Variants in PAK5 observed in about 807,000 individuals in gnomAD.
PAK5 encodes p21 (RAC1) activated kinase 5.
Under a neutral mutation model 65.9 loss-of-function variants are expected in PAK5, and 16 were observed. That is an observed-to-expected ratio of 0.24 (90% CI 0.16 to 0.37). PAK5 has a LOEUF of 0.37. Among genes scored for constraint, PAK5 ranks in the 10% least tolerant of loss-of-function variants. The pLI, the probability that PAK5 is intolerant of heterozygous loss-of-function variation, is 1.00. For missense variants in PAK5, 785 were observed against 903.9 expected (o/e 0.87, Z 1.69); for synonymous variants, 371 against 354.9 (o/e 1.05, Z -0.51).
chr20:9,583,848 A>G (rs1414720142), intron 3 of PAK5, among the ~76,000 whole-genome samples: 1 of 152,210 alleles, frequency 6.6e-6, no homozygotes, highest in Non-Finnish European at 1.5e-5. Flanking sequence ...TGTCTATTCC[A>G]GAATATCATA....
chr20:9,596,602 C>T (rs2046271799), intron 3 of PAK5, among the ~76,000 whole-genome samples: 1 of 140,606 alleles, frequency 7.1e-6, no homozygotes. Context: ...CACTACTGCA[C>T]TCCAGCCTGG....
At chr20:9,826,409 G>T (rs1245679288) in intron 1 of PAK5, among the ~76,000 whole-genome samples, 2 of 152,158 alleles carry the variant, frequency 1.3e-5, no homozygotes, top group Admixed American at 6.5e-5. Context: ...TTACCTAGGG[G>T]TTAGTAGGCT....
At chr20:9,588,661 C>T (rs533761525) in intron 3 of PAK5, among the ~76,000 whole-genome samples, 2 of 152,218 alleles carry the variant, frequency 1.3e-5, no homozygotes, top group African/African-American at 4.8e-5. Flanking sequence ...AACAGAAGAA[C>T]CACTAATTAT....
chr20:9,623,031 T>C (rs1363683316), intron 3 of PAK5, among the ~76,000 whole-genome samples: 1 of 152,248 alleles, frequency 6.6e-6, no homozygotes, highest in Non-Finnish European at 1.5e-5. Flanking sequence ...CTAATAATAA[T>C]TTAGTGCTGT....
chr20:9,730,790 C>T (rs955949904), intron 1 of PAK5, among the ~76,000 whole-genome samples: 2 of 152,202 alleles, frequency 1.3e-5, no homozygotes, highest in African/African-American at 4.8e-5. Flanking sequence ...ATTTCAAATT[C>T]TTGTATGCTG....
At chr20:9,555,438 C>T (rs946883303) in intron 7 of PAK5, among the ~76,000 whole-genome samples, 2 of 152,152 alleles carry the variant, frequency 1.3e-5, no homozygotes, top group African/African-American at 4.8e-5. Context: ...TGGATATGAT[C>T]TTACAGCAAG....
At chr20:9,806,080 T>C (rs1481251692) in intron 1 of PAK5, among the ~76,000 whole-genome samples, 1 of 152,164 alleles carries the variant, frequency 6.6e-6, no homozygotes, top group Non-Finnish European at 1.5e-5. Flanking sequence ...TTCTTGTGCC[T>C]CAGCCTCCCA....
intron 7 of PAK5, among the ~76,000 whole-genome samples, chr20:9,548,386 T>C (rs577833741): frequency 6.6e-6 from 1 of 152,128 alleles, no homozygotes; most frequent in African/African-American, 2.4e-5. Flanking sequence ...TTTTAATTTA[T>C]TATTATTATA....
chr20:9,597,513 G>A (rs1444393240), intron 3 of PAK5, among the ~76,000 whole-genome samples: 3 of 152,166 alleles, frequency 2.0e-5, no homozygotes, highest in Non-Finnish European at 4.4e-5. Context: ...TCTTAACAAT[G>A]TCAGAACCAA....
chr20:9,543,061 G>A (rs773858220), intron 8 of PAK5, among the ~76,000 whole-genome samples: 3 of 152,188 alleles, frequency 2.0e-5, no homozygotes, highest in Non-Finnish European at 4.4e-5. Flanking sequence ...TGAAAATGGA[G>A]AAGAAAATTG....
intron 1 of PAK5, among the ~76,000 whole-genome samples, chr20:9,815,516 A>G (rs949066352): frequency 2.0e-5 from 3 of 151,410 alleles, no homozygotes; most frequent in Non-Finnish European, 4.4e-5. Context: ...CCTAAGACAG[A>G]CCCTCCCCAG....
chr20:9,558,998 A>G (rs1304937380), intron 6 of PAK5, among the ~76,000 whole-genome samples: 1 of 152,056 alleles, frequency 6.6e-6, no homozygotes, highest in Non-Finnish European at 1.5e-5. Context: ...ACGCTTTCCG[A>G]CTTTCCCACT....
At chr20:9,667,512 C>A (rs1013951790) in intron 2 of PAK5, among the ~76,000 whole-genome samples, 21 of 151,920 alleles carry the variant, frequency 1.4e-4, no homozygotes. Context: ...CTGAACCCAA[C>A]CCTTCATCTG....
intron 2 of PAK5, among the ~76,000 whole-genome samples, chr20:9,707,822 A>G (rs2048027824): frequency 6.6e-6 from 1 of 152,184 alleles, no homozygotes; most frequent in Non-Finnish European, 1.5e-5. Context: ...GAGACTATTC[A>G]GCCCCAGCCA....
At chr20:9,773,724 C>T (rs1890579738) in intron 1 of PAK5, among the ~76,000 whole-genome samples, 1 of 152,152 alleles carries the variant, frequency 6.6e-6, no homozygotes, top group Admixed American at 6.5e-5. Flanking sequence ...GGAGCCTTGG[C>T]ATAACTATGG....
chr20:9,825,508 C>A (rs1398003027), intron 1 of PAK5, among the ~76,000 whole-genome samples: 1 of 152,024 alleles, frequency 6.6e-6, no homozygotes, highest in Admixed American at 6.6e-5. Context: ...AAATATGATA[C>A]CATCCTTTTG....
chr20:9,607,012 T>C (rs2046467281), intron 3 of PAK5, among the ~76,000 whole-genome samples: 1 of 152,172 alleles, frequency 6.6e-6, no homozygotes, highest in Non-Finnish European at 1.5e-5. Flanking sequence ...ATATAAAAGA[T>C]CTTTTGCTGA....
intron 2 of PAK5, among the ~76,000 whole-genome samples, chr20:9,697,141 T>A (rs1414353212): frequency 1.3e-5 from 2 of 152,072 alleles, no homozygotes; most frequent in African/African-American, 2.4e-5. Flanking sequence ...CATCTAAACA[T>A]TCATTTAGAG....
intron 1 of PAK5, among the ~76,000 whole-genome samples, chr20:9,734,917 G>A (rs973556110): frequency 6.6e-6 from 1 of 152,172 alleles, no homozygotes; most frequent in Non-Finnish European, 1.5e-5. Context: ...CCCTGTGGCT[G>A]ACTCAGAAGT....
Sources: allele counts gnomAD v4.1 joint callset (sites outside exome capture counted in the v4.1 genomes callset), GRCh38; gene constraint gnomAD v4.1.1; transcripts MANE v1.5; gene names NCBI Gene and HGNC (gene_info 2026-07-23, HGNC 2026-07-21).